ARHGAP24: variants seen among roughly 807,000 people sequenced by gnomAD.
ARHGAP24 encodes Rho GTPase activating protein 24, also known as rho GTPase-activating protein 24.
Under a neutral mutation model 76.4 loss-of-function variants are expected in ARHGAP24, and 50 were observed. The observed-to-expected ratio is 0.65, with a 90% CI of 0.52 to 0.83. The LOEUF is 0.83. Among genes scored for constraint, ARHGAP24 ranks in the 40% least tolerant of loss-of-function variants. The pLI is 0.00. For missense variants in ARHGAP24, 930 were observed against 914.2 expected (o/e 1.02, Z -0.22); for synonymous variants, 345 against 323.3 (o/e 1.07, Z -0.72).
chr4:85,902,144 A>C (rs1359348802), intron 3 of ARHGAP24, among the ~76,000 whole-genome samples: 1 of 152,178 alleles, frequency 6.6e-6, no homozygotes, highest in Non-Finnish European at 1.5e-5. Context: ...ATCCCTGCAA[A>C]GGACATGAAC....
intron 1 of ARHGAP24, among the ~76,000 whole-genome samples, chr4:85,503,693 G>A (rs1258712981): frequency 1.3e-5 from 2 of 152,072 alleles, no homozygotes; most frequent in African/African-American, 2.4e-5. Flanking sequence ...ATTTTTTGAA[G>A]GGTTTTTTGT....
At chr4:85,942,514 A>G in intron 5 of ARHGAP24, 1 of 484,904 alleles carries the variant, frequency 2.1e-6, no homozygotes, top group Non-Finnish European at 3.7e-6. Flanking sequence ...CTTCTTTGGT[A>G]CTAAAGTAAA....
intron 1 of ARHGAP24, among the ~76,000 whole-genome samples, chr4:85,519,405 A>G (rs1724651022): frequency 6.6e-6 from 1 of 152,128 alleles, no homozygotes; most frequent in Non-Finnish European, 1.5e-5. Flanking sequence ...GGCTCTCTCC[A>G]CATAGCTAAT....
intron 4 of ARHGAP24, among the ~76,000 whole-genome samples, chr4:85,935,968 T>A (rs1165195293): frequency 1.3e-5 from 2 of 152,222 alleles, no homozygotes; most frequent in East Asian, 3.8e-4. Flanking sequence ...TATAATATTT[T>A]GTGGCTACTT....
chr4:85,734,208 T>C (rs1725519801), intron 3 of ARHGAP24, among the ~76,000 whole-genome samples: 1 of 152,178 alleles, frequency 6.6e-6, no homozygotes. Context: ...AGAACAAATA[T>C]TGTATATCTA....
At chr4:85,490,556 C>T (rs1229953480) in intron 1 of ARHGAP24, among the ~76,000 whole-genome samples, 2 of 152,118 alleles carry the variant, frequency 1.3e-5, no homozygotes, top group Admixed American at 6.5e-5. Context: ...TTCTGAATTT[C>T]GTGCCATAAT....
chr4:85,574,988 C>A (rs1234224789), intron 2 of ARHGAP24, among the ~76,000 whole-genome samples: 37 of 152,220 alleles, frequency 2.4e-4, no homozygotes, highest in Admixed American at 2.4e-3. Flanking sequence ...GCTCTCAGCT[C>A]TCTGGAGACA....
chr4:85,697,753 G>A (rs1279114448), intron 2 of ARHGAP24, among the ~76,000 whole-genome samples: 1 of 152,166 alleles, frequency 6.6e-6, no homozygotes, highest in Non-Finnish European at 1.5e-5. Flanking sequence ...CAGGTTAAGT[G>A]ATGAGCATAA....
chr4:85,860,821 T>C lies in ARHGAP24; in HGVS notation c.269-62827T>C, dbSNP rs565612234. ...CTACTCATCATATTTTGTGAGCAGG[T>C]TGTTTATTAATATTATTAAATCTTT... On this transcript the variant is annotated intron_variant, in intron 3 of 9. Transcript: ENST00000395184. Among the ~76,000 whole-genome samples, 29 of 152,154 alleles carry C rather than the reference T, an allele frequency of 1.9e-4. No homozygotes were observed. The East Asian group carries it at 3.7e-3, about 19-fold the overall frequency.
intron 5 of ARHGAP24, among the ~76,000 whole-genome samples, chr4:85,962,724 G>T (rs1421726126): frequency 1.3e-5 from 2 of 151,410 alleles, no homozygotes; most frequent in Non-Finnish European, 2.9e-5. Context: ...GAGTTAATGT[G>T]TGGATGTTAC....
intron 1 of ARHGAP24, among the ~76,000 whole-genome samples, chr4:85,513,711 A>G (rs1724375655): frequency 1.3e-5 from 2 of 152,224 alleles, no homozygotes; most frequent in South Asian, 4.1e-4. Context: ...ATTGGCAGGT[A>G]GCTTAATTGT....
At chr4:85,624,837 C>T (rs1442468206) in intron 2 of ARHGAP24, among the ~76,000 whole-genome samples, 1 of 152,182 alleles carries the variant, frequency 6.6e-6, no homozygotes, top group Admixed American at 6.5e-5. Context: ...TCCATTTCTT[C>T]TAGATTTTCT....
chr4:85,915,449 A>G (rs2148803752), intron 3 of ARHGAP24, among the ~76,000 whole-genome samples: 1 of 152,304 alleles, frequency 6.6e-6, no homozygotes, highest in East Asian at 1.9e-4. Flanking sequence ...ACTTTAAGTT[A>G]TGGGATACAT....
rs567828127 is a variant in ARHGAP24, at chr4:85,579,018, T to A, written c.180+8297T>A. Among the ~76,000 whole-genome samples, 6 of 152,314 alleles carry A rather than the reference T, an allele frequency of 3.9e-5. No individual in the cohort carries two copies. In the South Asian group the frequency reaches 1.2e-3, roughly 32 times the overall value. On this transcript the variant is annotated intron_variant, in intron 2 of 9. Coordinates refer to ENST00000395184, the MANE Select transcript of ARHGAP24 (RefSeq NM_001025616.3). ...TTCAGAACAATACTCTCCTTTGTAG[T>A]ATGTCTTTTCTCTTTGTTTACATTA...
chr4:85,901,428 T>C (rs1051269544), intron 3 of ARHGAP24, among the ~76,000 whole-genome samples: 3 of 152,134 alleles, frequency 2.0e-5, no homozygotes, highest in Non-Finnish European at 4.4e-5. Flanking sequence ...AAATGTCATC[T>C]CTCATATTCT....
intron 4 of ARHGAP24, among the ~76,000 whole-genome samples, chr4:85,933,379 T>G (rs529688429): frequency 1.1e-4 from 17 of 152,246 alleles, no homozygotes; most frequent in African/African-American, 4.1e-4. Flanking sequence ...TGGAGTTGAG[T>G]AAAAGTTTCC....
chr4:85,893,776 C>T (rs1578354047), intron 3 of ARHGAP24, among the ~76,000 whole-genome samples: 1 of 151,592 alleles, frequency 6.6e-6, no homozygotes, highest in Non-Finnish European at 1.5e-5. Context: ...GGACCTTTCT[C>T]TCTCGGGTTC....
chr4:85,673,032 G>A (rs562541548), intron 2 of ARHGAP24, among the ~76,000 whole-genome samples: 5 of 152,258 alleles, frequency 3.3e-5, no homozygotes, highest in African/African-American at 9.6e-5. Context: ...TGAGTTTGAC[G>A]TTTACAAGGC....
At chr4:85,854,050 G>A (rs560852230) in intron 3 of ARHGAP24, among the ~76,000 whole-genome samples, 137 of 148,852 alleles carry the variant, frequency 9.2e-4, no homozygotes, top group African/African-American at 3.0e-3. Context: ...CAGGAGAATC[G>A]CTTGAATCTG....
Sources: gnomAD v4.1 joint callset for allele counts (sites outside exome capture counted in the v4.1 genomes callset) on GRCh38, gnomAD v4.1.1 for gene constraint, MANE v1.5 for transcripts, NCBI Gene and HGNC (gene_info 2026-07-23, HGNC 2026-07-21) for gene names.